The following NFAT5 variants were observed in gnomAD, a reference collection of about 807,000 sequenced individuals.
The protein encoded by NFAT5 is nuclear factor of activated T-cells 5.
NFAT5 carries 31 observed loss-of-function variants against 166.5 expected under a neutral mutation model. The ratio of observed to expected loss-of-function variants is 0.19; its 90% CI spans 0.14 to 0.25. NFAT5 has a LOEUF of 0.25. NFAT5 is among the 10% of genes least tolerant of loss of function. NFAT5 has a pLI of 1.00. For synonymous variants in NFAT5, 612 were observed against 639.7 expected (o/e 0.96, Z 0.65); for missense variants, 1,449 against 1,821.8 (o/e 0.80, Z 3.72).
chr16:69,654,494 G>A (rs1645351821), intron 5 of NFAT5, among the ~76,000 whole-genome samples: 9 of 152,130 alleles, frequency 5.9e-5, no homozygotes, highest in Admixed American at 5.9e-4. Flanking sequence ...ACAGGTAACA[G>A]GCAAGTGAGA....
At chr16:69,658,027 C>T (rs1487762707) in intron 6 of NFAT5, among the ~76,000 whole-genome samples, 9 of 145,736 alleles carry the variant, frequency 6.2e-5, no homozygotes, top group Admixed American at 3.4e-4. Context: ...AGACTTGCAG[C>T]GAGCCAAGAT....
intron 2 of NFAT5, among the ~76,000 whole-genome samples, chr16:69,620,469 C>T (rs1033794533): frequency 2.0e-5 from 3 of 152,130 alleles, no homozygotes; most frequent in African/African-American, 4.8e-5. Flanking sequence ...CATGGTGGCT[C>T]ACGCCTGTAA....
chr16:69,648,879 A>G, intron 4 of NFAT5: 3 of 927,230 alleles, frequency 3.2e-6, no homozygotes, highest in Non-Finnish European at 3.9e-6. Flanking sequence ...TATATATTTA[A>G]CTTGCCCTTA....
intron 3 of NFAT5, among the ~76,000 whole-genome samples, chr16:69,633,180 C>G (rs936049822): frequency 6.6e-6 from 1 of 152,120 alleles, no homozygotes; most frequent in Admixed American, 6.5e-5. Context: ...TTATTGTCCT[C>G]TTAATAACAC....
chr16:69,694,691 T>C (rs1199851009), intron 13 of NFAT5, among the ~76,000 whole-genome samples: 1 of 152,206 alleles, frequency 6.6e-6, no homozygotes, highest in African/African-American at 2.4e-5. Flanking sequence ...ATACTTTACA[T>C]GGATTTGGGG....
chr16:69,619,498 A>G (rs963858693), intron 2 of NFAT5, among the ~76,000 whole-genome samples: 2 of 152,186 alleles, frequency 1.3e-5, no homozygotes, highest in African/African-American at 2.4e-5. Flanking sequence ...TTTTTTTACT[A>G]TAATACAGAT....
At chr16:69,651,137 G>A (rs1166367876) in intron 4 of NFAT5, among the ~76,000 whole-genome samples, 1 of 152,180 alleles carries the variant, frequency 6.6e-6, no homozygotes, top group African/African-American at 2.4e-5. Context: ...TAATATTACA[G>A]AAGCTTCTTT....
rs546495213 is a variant in NFAT5, at chr16:69,697,573, G to A, written c.*1222G>A. 4 of 152,708 alleles carry A rather than the reference G, an allele frequency of 2.6e-5. No homozygotes were observed. The highest frequency in any genetic ancestry group is 7.2e-5 in the African/African-American group (3 of 41,556). The allele number at this position is 152,708 out of a possible 1,614,324, so 9.5% of individuals were successfully genotyped here. A position where few individuals can be genotyped will look rare whatever the true frequency, so the allele number is the denominator to read the frequency against. On this transcript the variant is annotated 3_prime_UTR_variant, in exon 15 of 15. Transcript: ENST00000349945. Reference sequence around the variant, plus strand: ...TACAGTTTGAAGTGGTCACTTACCTGATGGTTCCCACAAGCCTTAGGCTTT... The same window carrying A: ...TACAGTTTGAAGTGGTCACTTACCTAATGGTTCCCACAAGCCTTAGGCTTT...
chr16:69,689,938 A>T (rs1031821618), intron 11 of NFAT5, among the ~76,000 whole-genome samples: 6 of 152,222 alleles, frequency 3.9e-5, no homozygotes, highest in South Asian at 2.1e-4. Flanking sequence ...GCTTCTTTAT[A>T]GCCAAGATTT....
At chr16:69,663,846 C>T (rs2036251567) in intron 7 of NFAT5, among the ~76,000 whole-genome samples, 1 of 152,090 alleles carries the variant, frequency 6.6e-6, no homozygotes, top group Admixed American at 6.6e-5. Flanking sequence ...CACTGCACTC[C>T]AGCCTGGGCA....
chr16:69,615,854 A>G (rs1367801811), intron 2 of NFAT5, among the ~76,000 whole-genome samples: 3 of 151,902 alleles, frequency 2.0e-5, no homozygotes, highest in Admixed American at 2.0e-4. Flanking sequence ...TAATTACCCA[A>G]CTTGGCCTCT....
intron 2 of NFAT5, among the ~76,000 whole-genome samples, chr16:69,601,571 G>A (rs1210902766): frequency 2.0e-5 from 3 of 151,996 alleles, no homozygotes; most frequent in East Asian, 1.9e-4. Flanking sequence ...ACAGGATCTC[G>A]CTATGTTGCC....
chr16:69,661,442 C>T (rs2036133440), intron 7 of NFAT5, among the ~76,000 whole-genome samples: 1 of 141,734 alleles, frequency 7.1e-6, no homozygotes, highest in Admixed American at 7.4e-5. Flanking sequence ...ACTCAGGAGG[C>T]TGAGGCAGAA....
intron 2 of NFAT5, among the ~76,000 whole-genome samples, chr16:69,595,123 A>G (rs1306055140): frequency 6.6e-6 from 1 of 152,206 alleles, no homozygotes; most frequent in Non-Finnish European, 1.5e-5. Context: ...TACACCCAGG[A>G]ACAATACTTT....
rs1455087803 is a variant in NFAT5, at chr16:69,693,755, C to G, written c.3930C>G (p.Asn1310Lys). The G allele has an allele frequency of 8.1e-6, 13 of 1,614,096 alleles. No homozygotes were observed. The highest frequency in any genetic ancestry group is 1.3e-5 in the African/African-American group (1 of 74,922). ...AACCACCACCAAACATGATATTCAA[C>G]CCAAATCAAAATCCAATGGCTAATC... is the stretch of plus-strand genomic sequence containing the variant. ...PKQPPPNMIF[N>K]PNQNPMANQE... Residue 1310 changes from asparagine to lysine, a missense_variant, in exon 13 of 15, where the codon AAC becomes AAG. Around this residue, in one of 7 missense-constraint regions of NFAT5, gnomAD observed 891 missense variants for 993.0 expected, o/e 0.90. Coordinates refer to ENST00000349945, the MANE Select transcript of NFAT5 (RefSeq NM_138713.4).
chr16:69,651,541 C>G (rs2035665076), intron 4 of NFAT5, among the ~76,000 whole-genome samples: 1 of 152,150 alleles, frequency 6.6e-6, no homozygotes, highest in Admixed American at 6.5e-5. Context: ...CTACTGGAAT[C>G]TGGTTGCTTT....
chr16:69,653,598 CAG>C (rs1176101593), intron 5 of NFAT5, among the ~76,000 whole-genome samples, 170 bp downstream of exon 5: 6 of 135,686 alleles, frequency 4.4e-5, no homozygotes, highest in Non-Finnish European at 9.3e-5. Flanking sequence ...TTTTTTGAGA[CAG>C]AGTCTCACTC....
intron 2 of NFAT5, among the ~76,000 whole-genome samples, chr16:69,584,736 A>G (rs1405576907): frequency 1.3e-5 from 2 of 151,844 alleles, no homozygotes; most frequent in East Asian, 3.9e-4. Context: ...TGAGTGAGCT[A>G]TGATTGTACC....
At chr16:69,598,722 G>T (rs1264893179) in intron 2 of NFAT5, among the ~76,000 whole-genome samples, 2 of 152,078 alleles carry the variant, frequency 1.3e-5, no homozygotes, top group African/African-American at 2.4e-5. Context: ...TTAAAGAAAT[G>T]ATTATAAAAA....
Sources: gnomAD v4.1 joint callset for allele counts (sites outside exome capture counted in the v4.1 genomes callset) on GRCh38, gnomAD v4.1.1 for gene constraint, gnomAD v4.1.1 regional missense constraint, MANE v1.5 for transcripts, NCBI Gene and HGNC (gene_info 2026-07-23, HGNC 2026-07-21) for gene names.